Variants in KDM2B observed in about 807,000 individuals in gnomAD.
KDM2B encodes the protein lysine-specific demethylase 2B.
Under a neutral mutation model 150.0 loss-of-function variants are expected in KDM2B, and 26 were observed. The ratio of observed to expected loss-of-function variants is 0.17; its 90% confidence interval spans 0.13 to 0.24. The LOEUF (loss-of-function observed/expected upper bound fraction) is 0.24. Among genes scored for constraint, KDM2B ranks in the 10% least tolerant of loss-of-function variants. The pLI is 1.00. For synonymous variants in KDM2B, 734 were observed against 729.5 expected (o/e 1.01, Z -0.10); for missense variants, 1,265 against 1,816.9 (o/e 0.70, Z 5.52).
At chr12:121,531,928 AC>A (rs1555307857) in intron 8 of KDM2B, among the ~76,000 whole-genome samples, 1 of 152,048 alleles carries the variant, frequency 6.6e-6, no homozygotes, top group East Asian at 1.9e-4. Context: ...CCCCACCTCT[AC>A]TAAAAATACA....
At chr12:121,529,999 T>C (rs181220944) in intron 8 of KDM2B, among the ~76,000 whole-genome samples, 3 of 148,422 alleles carry the variant, frequency 2.0e-5, no homozygotes, top group Admixed American at 6.7e-5. Context: ...GAGGCCAAGG[T>C]GGGCAGATCA....
chr12:121,478,866 T>TTGTTTGTTTGTTTGTGTGTGTGTG (rs61509046), intron 12 of KDM2B, among the ~76,000 whole-genome samples: 5 of 131,132 alleles, frequency 3.8e-5, no homozygotes, highest in African/African-American at 5.8e-5. Flanking sequence ...TTTTGTTTGT[T>TTGTTTGTTTGTTTGTGTGTGTGTG]TGTGTGTGTG....
chr12:121,577,687 G>C (rs1021715145), intron 2 of KDM2B, among the ~76,000 whole-genome samples: 2 of 152,206 alleles, frequency 1.3e-5, no homozygotes, highest in Non-Finnish European at 2.9e-5. Flanking sequence ...GGTTTTCCAA[G>C]GGGCGTGGGG....
chr12:121,529,808 T>C (rs1221081413), intron 8 of KDM2B, among the ~76,000 whole-genome samples: 1 of 151,406 alleles, frequency 6.6e-6, no homozygotes, highest in African/African-American at 2.4e-5. Context: ...CGTGTACCTG[T>C]AATCTCAGCT....
chr12:121,561,640 C>T (rs188375947), intron 4 of KDM2B, among the ~76,000 whole-genome samples: 1 of 152,300 alleles, frequency 6.6e-6, no homozygotes, highest in African/African-American at 2.4e-5. Flanking sequence ...CGGAACCACA[C>T]CCATCTATGT....
At chr12:121,423,813 C>T in the KDM2B span, 5 of 468,740 alleles carry the variant, frequency 1.1e-5, no homozygotes, top group South Asian at 2.9e-5. The surrounding 1 kb of genome is among the most constrained non-coding windows in gnomAD (Gnocchi z 4.3). Flanking sequence ...TCACACATCC[C>T]GTGAACACTC....
chr12:121,485,113 C>A (rs899553488), intron 12 of KDM2B, among the ~76,000 whole-genome samples: 8 of 152,146 alleles, frequency 5.3e-5, no homozygotes, highest in African/African-American at 1.9e-4. Context: ...TGCCTGCTGA[C>A]ACCCTGACCT....
At chr12:121,465,356 CCTGATTAG>C (rs1555294566) in intron 12 of KDM2B, among the ~76,000 whole-genome samples, 3 of 152,200 alleles carry the variant, frequency 2.0e-5, no homozygotes, top group Non-Finnish European at 4.4e-5. Context: ...GCCTCAGCCT[CCTGATTAG>C]CTGGGATTAA....
chr12:121,410,414 G>A, the KDM2B span, among the ~76,000 whole-genome samples: 1 of 151,964 alleles, frequency 6.6e-6, no homozygotes, highest in Non-Finnish European at 1.5e-5. Context: ...GTGGGTGCCT[G>A]TAATCCCGGC....
intron 13 of KDM2B, 120 bp from the exon 14 acceptor site, chr12:121,445,538 G>T: frequency 1.0e-6 from 1 of 971,726 alleles, no homozygotes; most frequent in Non-Finnish European, 1.5e-6. Flanking sequence ...CCCGGAAAGT[G>T]GCCCAGGCAC....
At chr12:121,546,170 C>T (rs531404769) in intron 6 of KDM2B, among the ~76,000 whole-genome samples, 51 of 152,242 alleles carry the variant, frequency 3.3e-4, no homozygotes, top group African/African-American at 1.0e-3. Flanking sequence ...TGGTTTCCTC[C>T]CCACTGTAAA....
the KDM2B span, chr12:121,417,861 G>A: frequency 1.9e-6 from 3 of 1,614,062 alleles, no homozygotes; most frequent in East Asian, 2.2e-5. The surrounding 1 kb of genome is among the most constrained non-coding windows in gnomAD (Gnocchi z 5.0). Context: ...TTCGTTTCAG[G>A]GAGAGCTTAT....
chr12:121,428,076 C>A (rs1872599194), downstream of KDM2B, among the ~76,000 whole-genome samples: 1 of 152,142 alleles, frequency 6.6e-6, no homozygotes, highest in African/African-American at 2.4e-5. Context: ...TTTTTATAAA[C>A]CATGGAGTGA....
chr12:121,579,980 A>G, intron 1 of KDM2B: 1 of 1,494,602 alleles, frequency 6.7e-7, no homozygotes, highest in South Asian at 1.2e-5. Flanking sequence ...TATGCCAGAT[A>G]CAGATTTGGA....
intron 8 of KDM2B, among the ~76,000 whole-genome samples, chr12:121,531,661 A>G (rs1437336881): frequency 1.3e-5 from 2 of 152,176 alleles, no homozygotes; most frequent in African/African-American, 4.8e-5. Context: ...TGCAGTTACC[A>G]TATGCCTTCA....
chr12:121,463,458 C>T (rs567101752), intron 12 of KDM2B, among the ~76,000 whole-genome samples: 1 of 152,314 alleles, frequency 6.6e-6, no homozygotes, highest in East Asian at 1.9e-4. Flanking sequence ...TATCCGAGAA[C>T]TTAAAGTAAA....
chr12:121,500,171 G>A (rs1447446042), intron 11 of KDM2B, among the ~76,000 whole-genome samples: 3 of 152,074 alleles, frequency 2.0e-5, no homozygotes, highest in African/African-American at 7.2e-5. Context: ...TCATCTCTGA[G>A]AAATAGGTTG....
In KDM2B at chr12:121,442,881, T is replaced by C; in HGVS notation, c.2605-45A>G. 6.5e-7 allele frequency: 1 copy of C among 1,538,038 alleles called. No individual in the cohort carries two copies. Among genetic ancestry groups the C allele is most frequent in the Non-Finnish European group, 8.7e-7 (1 of 1,146,654 alleles). On this transcript the variant is annotated intron_variant, in intron 18 of 22. Coordinates refer to ENST00000377071, the MANE Select transcript of KDM2B (RefSeq NM_032590.5). This position sits in a 1 kb window ranked among gnomAD's most constrained non-coding sequence, Gnocchi z 7.7. ...CGCGTCAGCCTCTGGGGCTCAGGGC[T>C]GCGCCCGCCCAAGGCCTCCCGCCCC...
rs150394412 is a variant in KDM2B at position 121,494,312 on chromosome 12, C to T, written c.1734+267G>A. 151 of 402,572 alleles carry T rather than the reference C, an allele frequency of 3.8e-4. 1 individual carries two copies. The East Asian group carries it at 7.3e-3, about 20-fold the overall frequency. The allele number at this position is 402,572 out of a possible 1,614,324, so 24.9% of individuals were successfully genotyped here. ...AGGGAAGGAGAGACAGAAAATCCAC[C>T]TAACCACAGGGAAAGGCGAGGTGTC... On this transcript the variant is annotated intron_variant, in intron 12 of 22. Transcript: ENST00000377071.
Sources: allele counts gnomAD v4.1 joint callset (sites outside exome capture counted in the v4.1 genomes callset), GRCh38; gene constraint gnomAD v4.1.1; non-coding constraint Gnocchi (gnomAD v3.1); transcripts MANE v1.5; gene names NCBI Gene and HGNC (gene_info 2026-07-23, HGNC 2026-07-21).